PTPRD: variants seen among roughly 807,000 people sequenced by gnomAD.
PTPRD encodes protein tyrosine phosphatase receptor type D.
Under a neutral mutation model 214.5 loss-of-function variants are expected in PTPRD, and 34 were observed. That is an observed-to-expected ratio of 0.16 (90% CI 0.12 to 0.21). The LOEUF (loss-of-function observed/expected upper bound fraction) is 0.21, where lower values mean the gene tolerates loss of function less well. Among genes scored for constraint, PTPRD ranks in the 10% least tolerant of loss-of-function variants. The pLI is 1.00. For missense variants in PTPRD, 2,545 were observed against 2,398.7 expected (o/e 1.06, Z -1.27); for synonymous variants, 1,128 against 845.7 (o/e 1.33, Z -5.79).
At chr9:10,350,935 TA>T (rs1468661801) in intron 2 of PTPRD, among the ~76,000 whole-genome samples, 1 of 151,938 alleles carries the variant, frequency 6.6e-6, no homozygotes, top group Non-Finnish European at 1.5e-5. Context: ...ATGGTGATGA[TA>T]TAAAAAAGAA....
rs10977339 is a variant in PTPRD, at chr9:8,894,569, G to A, written c.-104+124128C>T. On this transcript the variant is annotated intron_variant, in intron 11 of 45. Transcript: ENST00000381196. Reference sequence around the variant, plus strand: ...GGGTATAGATGTGGTCATACATGATGCTTGTAATGTCCTATATTTTTATCT... The same window carrying A: ...GGGTATAGATGTGGTCATACATGATACTTGTAATGTCCTATATTTTTATCT... 7.2e-5 allele frequency among the ~76,000 whole-genome samples: 11 copies of A among 152,174 alleles called. No homozygotes were observed. In the East Asian group the frequency reaches 2.1e-3, roughly 29 times the overall value.
chr9:8,655,829 G>C (rs547841141), intron 12 of PTPRD, among the ~76,000 whole-genome samples: 1 of 149,062 alleles, frequency 6.7e-6, no homozygotes, highest in Non-Finnish European at 1.5e-5. Context: ...CTTACTTCTG[G>C]TCTTTCCAAA....
At chr9:9,176,092 C>T (rs1048525493) in intron 10 of PTPRD, among the ~76,000 whole-genome samples, 2 of 152,134 alleles carry the variant, frequency 1.3e-5, no homozygotes, top group African/African-American at 4.8e-5. Context: ...ATATTTCATC[C>T]TTCATCTTTC....
intron 9 of PTPRD, among the ~76,000 whole-genome samples, chr9:9,324,672 C>G (rs190871122): frequency 6.6e-6 from 1 of 152,180 alleles, no homozygotes; most frequent in East Asian, 1.9e-4. Context: ...GTTTCTTTTG[C>G]TGTGCAGAAG....
intron 7 of PTPRD, among the ~76,000 whole-genome samples, chr9:9,609,822 G>A (rs1468043184): frequency 6.6e-6 from 1 of 152,140 alleles, no homozygotes; most frequent in Non-Finnish European, 1.5e-5. Flanking sequence ...CTGTTAGGCT[G>A]GTGGGTTGTG....
At chr9:9,903,683 G>C (rs1345979273) in intron 5 of PTPRD, among the ~76,000 whole-genome samples, 1 of 152,080 alleles carries the variant, frequency 6.6e-6, no homozygotes, top group Non-Finnish European at 1.5e-5. Context: ...GACGTCCACA[G>C]TTTAAAACCA....
intron 5 of PTPRD, among the ~76,000 whole-genome samples, chr9:9,926,713 G>A (rs183793441): frequency 6.8e-4 from 103 of 152,262 alleles, no homozygotes; most frequent in African/African-American, 2.4e-3. Flanking sequence ...GGGTTAATGT[G>A]AAGATTTCAA....
chr9:8,963,383 G>A (rs1356256811), intron 11 of PTPRD, among the ~76,000 whole-genome samples: 4 of 152,056 alleles, frequency 2.6e-5, no homozygotes, highest in Admixed American at 2.0e-4. Flanking sequence ...TTCACATAGA[G>A]TTACTCATGG....
chr9:8,655,161 A>G (rs2096885241), intron 12 of PTPRD, among the ~76,000 whole-genome samples: 2 of 152,192 alleles, frequency 1.3e-5, no homozygotes, highest in Admixed American at 6.5e-5. Flanking sequence ...CCTAGTTGAT[A>G]AAGTACTCAA....
intron 2 of PTPRD, among the ~76,000 whole-genome samples, chr9:10,589,407 A>C (rs2074820406): frequency 1.3e-5 from 2 of 150,940 alleles, no homozygotes; most frequent in Admixed American, 1.3e-4. Flanking sequence ...ATCTGGGTTA[A>C]GTTTCACACA....
chr9:9,330,289 T>C (rs934681326), intron 9 of PTPRD, among the ~76,000 whole-genome samples: 3 of 152,190 alleles, frequency 2.0e-5, no homozygotes, highest in Admixed American at 2.0e-4. Flanking sequence ...CAAATGACTT[T>C]CCTTTAAAAA....
chr9:8,821,407 C>G (rs1355745486), intron 11 of PTPRD, among the ~76,000 whole-genome samples: 4 of 152,198 alleles, frequency 2.6e-5, no homozygotes, highest in Middle Eastern at 3.2e-3. Flanking sequence ...GCATCACTCA[C>G]TCCTTCTACA....
At chr9:8,534,462 G>T (rs967467215) in intron 14 of PTPRD, among the ~76,000 whole-genome samples, 80 of 151,832 alleles carry the variant, frequency 5.3e-4, no homozygotes, top group African/African-American at 1.8e-3. Flanking sequence ...TAAGTCACTG[G>T]ATATCTTACG....
At chr9:8,948,086 C>G (rs1374844547) in intron 11 of PTPRD, among the ~76,000 whole-genome samples, 2 of 146,100 alleles carry the variant, frequency 1.4e-5, no homozygotes, top group Non-Finnish European at 3.0e-5. Context: ...GTGGTGTGAT[C>G]TCTGCTCACT....
chr9:9,988,017 C>A lies in PTPRD; in HGVS notation c.-472+45701G>T. Among the ~76,000 whole-genome samples the A allele has an allele frequency of 1.3e-5, 2 of 152,020 alleles. 1 individual carries two copies. Among genetic ancestry groups the A allele is most frequent in the Admixed American group, 1.3e-4 (2 of 15,260 alleles). On this transcript the variant is annotated intron_variant, in intron 4 of 45. Transcript: ENST00000381196. ...TCAAAACATTTCTTCTAAGAGATAT[C>A]AATAACAAAGAATTTATGCACTTGT... is the stretch of plus-strand genomic sequence containing the variant.
intron 8 of PTPRD, among the ~76,000 whole-genome samples, chr9:9,482,228 A>T (rs1168571924): frequency 6.6e-6 from 1 of 152,168 alleles, no homozygotes; most frequent in Non-Finnish European, 1.5e-5. Context: ...TTTATCATAT[A>T]CCTGGACATT....
intron 2 of PTPRD, among the ~76,000 whole-genome samples, chr9:10,387,307 A>G (rs1425828390): frequency 1.3e-5 from 2 of 151,830 alleles, no homozygotes; most frequent in African/African-American, 4.8e-5. Flanking sequence ...CATGAGCCAT[A>G]TGTTTTTTCT....
intron 8 of PTPRD, among the ~76,000 whole-genome samples, chr9:9,504,573 T>C (rs1351287550): frequency 6.6e-6 from 1 of 151,690 alleles, no homozygotes; most frequent in African/African-American, 2.4e-5. Context: ...ACTGAAAGCA[T>C]TCCCTCTAAG....
chr9:9,300,107 G>T (rs1408268846), intron 9 of PTPRD, among the ~76,000 whole-genome samples: 3 of 150,010 alleles, frequency 2.0e-5, no homozygotes, highest in South Asian at 2.1e-4. Context: ...AGACATGTTT[G>T]GTCTCTTGCC....
Sources: allele counts gnomAD v4.1 joint callset (sites outside exome capture counted in the v4.1 genomes callset), GRCh38; gene constraint gnomAD v4.1.1; transcripts MANE v1.5; gene names NCBI Gene and HGNC (gene_info 2026-07-23, HGNC 2026-07-21).